DTNA: variants seen among roughly 807,000 people sequenced by gnomAD.
DTNA encodes dystrophin-related protein 3.
A neutral mutation model predicts 100.7 loss-of-function variants in DTNA; 43 were observed. The ratio of observed to expected loss-of-function variants is 0.43; its 90% CI spans 0.33 to 0.55. The LOEUF (loss-of-function observed/expected upper bound fraction) is 0.55. Among genes scored for constraint, DTNA ranks in the 20% least tolerant of loss-of-function variants. DTNA has a pLI of 0.04. For missense variants in DTNA, 798 were observed against 953.9 expected (o/e 0.84, Z 2.15); for synonymous variants, 349 against 347.9 (o/e 1.00, Z -0.04).
chr18:34,770,447 G>A (rs2093707531), intron 3 of DTNA, among the ~76,000 whole-genome samples: 1 of 152,178 alleles, frequency 6.6e-6, no homozygotes, highest in Admixed American at 6.5e-5. Context: ...TTTCATAAAT[G>A]TTGGTTAATT....
At chr18:34,872,616 A>T (rs948534962) in intron 17 of DTNA, among the ~76,000 whole-genome samples, 1 of 152,242 alleles carries the variant, frequency 6.6e-6, no homozygotes, top group Admixed American at 6.5e-5. Context: ...AAGAGATTGT[A>T]GGCCTGTACT....
intron 1 of DTNA, among the ~76,000 whole-genome samples, chr18:34,745,600 G>A (rs74984754): frequency 0.014 from 2,184 of 152,242 alleles, 55 homozygotes; most frequent in African/African-American, 0.05. Context: ...TAGTGCATGA[G>A]GAGCGCATCA....
chr18:34,821,124 C>T (rs1179388403), intron 9 of DTNA: 2 of 714,058 alleles, frequency 2.8e-6, no homozygotes, highest in Non-Finnish European at 2.5e-6. Context: ...GTATGCAACA[C>T]TAACATAATT....
chr18:34,738,432 G>A (rs1009795417), intron 1 of DTNA, among the ~76,000 whole-genome samples: 4 of 152,138 alleles, frequency 2.6e-5, no homozygotes, highest in African/African-American at 4.8e-5. Context: ...CAGAAACAAA[G>A]CAACATAGTA....
At chr18:34,887,641 A>C in intron 22 of DTNA, 125 bp from the exon 23 acceptor site, 1 of 560,512 alleles carries the variant, frequency 1.8e-6, no homozygotes. Context: ...GTGTGTGTGC[A>C]TGTGTGTGTG....
At chr18:34,577,931 G>GT (rs35293190) in intron 1 of DTNA, among the ~76,000 whole-genome samples, 16,307 of 139,446 alleles carry the variant, frequency 0.12, 931 homozygotes, top group African/African-American at 0.13. Flanking sequence ...ACATGTGCAA[G>GT]TTTTTTTTTT....
intron 2 of DTNA, among the ~76,000 whole-genome samples, chr18:34,759,183 C>T (rs1601556465): frequency 6.6e-6 from 1 of 152,114 alleles, no homozygotes; most frequent in Non-Finnish European, 1.5e-5. Flanking sequence ...AACAAAAAAA[C>T]CCTCTAGTTA....
intron 4 of DTNA, among the ~76,000 whole-genome samples, chr18:34,798,611 C>T (rs66840772): frequency 6.6e-6 from 1 of 152,064 alleles, no homozygotes. Context: ...TTATGTGACT[C>T]TAGCCTTGTT....
chr18:34,756,110 A>C (rs2092750914), intron 2 of DTNA, 67 bp downstream of exon 2: 1 of 1,502,636 alleles, frequency 6.7e-7, no homozygotes, highest in African/African-American at 1.4e-5. Flanking sequence ...GGCTAGAAAT[A>C]ACCATTTATC....
At chr18:34,631,434 T>C (rs1462454855) in intron 1 of DTNA, among the ~76,000 whole-genome samples, 2 of 152,150 alleles carry the variant, frequency 1.3e-5, no homozygotes, top group African/African-American at 4.8e-5. Flanking sequence ...TATTTTTAAA[T>C]TGAGAAAACT....
intron 5 of DTNA, 75 bp downstream of exon 5, chr18:34,806,379 A>C: frequency 8.5e-7 from 1 of 1,173,990 alleles, no homozygotes; most frequent in Non-Finnish European, 1.3e-6. Flanking sequence ...TCATTCCTCT[A>C]TGTCCCCTCC....
chr18:34,842,639 C>T (rs1157027028), intron 13 of DTNA, among the ~76,000 whole-genome samples: 1 of 152,118 alleles, frequency 6.6e-6, no homozygotes, highest in Non-Finnish European at 1.5e-5. Context: ...TTTCCTGCCT[C>T]AAGACTCCAA....
At chr18:34,519,953 A>G (rs1259517810) in intron 1 of DTNA, among the ~76,000 whole-genome samples, 2 of 152,154 alleles carry the variant, frequency 1.3e-5, no homozygotes, top group Non-Finnish European at 2.9e-5. Flanking sequence ...ATACCATAGT[A>G]CCTATAACTC....
At chr18:34,550,907 T>C (rs1411703219) in intron 1 of DTNA, among the ~76,000 whole-genome samples, 2 of 152,218 alleles carry the variant, frequency 1.3e-5, no homozygotes, top group African/African-American at 4.8e-5. Flanking sequence ...TATTTATTCC[T>C]ATAACTATTC....
intron 1 of DTNA, among the ~76,000 whole-genome samples, chr18:34,567,077 G>A (rs2047151313): frequency 6.6e-6 from 1 of 152,102 alleles, no homozygotes; most frequent in African/African-American, 2.4e-5. Flanking sequence ...TTAAGGAGTG[G>A]TTGAACCCTG....
chr18:34,803,683 G>GA (rs2095284945), intron 4 of DTNA, among the ~76,000 whole-genome samples: 1 of 152,042 alleles, frequency 6.6e-6, no homozygotes, highest in Non-Finnish European at 1.5e-5. Context: ...TACAGTTTAG[G>GA]AAAAAAGCTA....
chr18:34,537,266 G>A (rs1461247453), intron 1 of DTNA, among the ~76,000 whole-genome samples: 4 of 151,894 alleles, frequency 2.6e-5, no homozygotes, highest in Admixed American at 2.6e-4. Context: ...CTATTCTTAA[G>A]GCAACAGAGT....
rs149304169 is a variant in DTNA, at chr18:34,832,014, C to A, written c.1175+2525C>A. On this transcript the variant is annotated intron_variant, in intron 11 of 22. Transcript: ENST00000444659. Reference sequence around the variant, plus strand: ...ACCCAAAGATTCTTTACTTAACAACCGTGGCTTTTAATCTGACTCAAAAAG... The same window carrying A: ...ACCCAAAGATTCTTTACTTAACAACAGTGGCTTTTAATCTGACTCAAAAAG... Among the ~76,000 whole-genome samples the A allele has an allele frequency of 5.7e-3, 867 of 152,270 alleles. 5 individuals are homozygous for A. Among genetic ancestry groups the A allele is most frequent in the Middle Eastern group, 0.024 (7 of 294 alleles).
intron 14 of DTNA, among the ~76,000 whole-genome samples, chr18:34,851,113 TA>T (rs1283820527): frequency 6.6e-6 from 1 of 152,212 alleles, no homozygotes; most frequent in African/African-American, 2.4e-5. Flanking sequence ...TTTATTTATT[TA>T]TTTTTGTGAG....
Sources: allele counts gnomAD v4.1 joint callset (sites outside exome capture counted in the v4.1 genomes callset), GRCh38; gene constraint gnomAD v4.1.1; transcripts MANE v1.5; gene names NCBI Gene and HGNC (gene_info 2026-07-23, HGNC 2026-07-21).